BIRC6: variants seen among roughly 807,000 people sequenced by gnomAD.
BIRC6 encodes baculoviral IAP repeat containing 6, also known as dual E2 ubiquitin-conjugating enzyme/E3 ubiquitin-protein ligase BIRC6.
In BIRC6, 98 loss-of-function variants were observed where a neutral mutation model predicts 503.3. That is an observed-to-expected ratio of 0.19 (90% CI 0.17 to 0.23). BIRC6 has a LOEUF of 0.23. Ranked by LOEUF, BIRC6 falls within the 10% of genes least tolerant of loss-of-function variation. The pLI, the probability that BIRC6 is intolerant of heterozygous loss-of-function variation, is 1.00. For synonymous variants in BIRC6, 2,240 were observed against 2,078.7 expected (o/e 1.08, Z -2.11); for missense variants, 5,360 against 5,806.0 (o/e 0.92, Z 2.50).
intron 10 of BIRC6, among the ~76,000 whole-genome samples, chr2:32,420,465 T>C (rs1450889683): frequency 1.3e-5 from 2 of 152,182 alleles, no homozygotes; most frequent in South Asian, 2.1e-4. Context: ...TTTTAAGTTA[T>C]GAAGTTTTAG....
chr2:32,533,676 T>C (rs75750939), intron 61 of BIRC6, among the ~76,000 whole-genome samples: 1 of 152,020 alleles, frequency 6.6e-6, no homozygotes, highest in African/African-American at 2.4e-5. Context: ...TCCTCAGCCG[T>C]CTAAGCATAA....
chr2:32,484,532 T>G (rs373711346), intron 39 of BIRC6, among the ~76,000 whole-genome samples: 4 of 127,548 alleles, frequency 3.1e-5, no homozygotes, highest in African/African-American at 1.2e-4. Context: ...GCCTGGACGA[T>G]AGAGCAAAAC....
chr2:32,512,357 A>G (rs188184382), intron 53 of BIRC6, among the ~76,000 whole-genome samples: 22 of 152,324 alleles, frequency 1.4e-4, no homozygotes, highest in East Asian at 3.9e-4. Flanking sequence ...TTGTGGTTCA[A>G]AATTGGGTGT....
rs769966160 is a variant in BIRC6 at position 32,465,070 on chromosome 2, A to G, written c.5262A>G (p.Pro1754=). The G allele has an allele frequency of 1.4e-5, 22 of 1,581,960 alleles. No homozygotes were observed. The highest frequency in any genetic ancestry group is 1.9e-5 in the Non-Finnish European group (22 of 1,161,116). The change falls in exon 26 of 74, where the codon CCA becomes CCG. Residue 1754 remains proline, a synonymous_variant. Transcript: ENST00000421745. ...NKNSNKSRMN[P]LGSGLALAIS... ...TTTTTTTTTCCCTGCTCTAGAATCC[A>G]CTTGGTTCTGGTCTAGCCCTTGCAA...
At chr2:32,505,504 A>G in intron 50 of BIRC6, 1 of 295,230 alleles carries the variant, frequency 3.4e-6, no homozygotes, top group Non-Finnish European at 6.5e-6. Context: ...AAATGAGTTC[A>G]CTACACACCC....
chr2:32,520,777 A>T (rs2055572635), intron 57 of BIRC6, among the ~76,000 whole-genome samples: 1 of 152,226 alleles, frequency 6.6e-6, no homozygotes, highest in Non-Finnish European at 1.5e-5. Flanking sequence ...AGATTGCGCC[A>T]CTGCACTCCA....
intron 66 of BIRC6, among the ~76,000 whole-genome samples, chr2:32,587,366 A>G (rs1259974317): frequency 6.6e-5 from 10 of 150,942 alleles, no homozygotes; most frequent in African/African-American, 2.4e-4. Flanking sequence ...CAACCTGGGC[A>G]ACAGAACGAG....
chr2:32,437,683 C>G (rs2044878594), intron 15 of BIRC6, among the ~76,000 whole-genome samples: 1 of 152,140 alleles, frequency 6.6e-6, no homozygotes, highest in African/African-American at 2.4e-5. Flanking sequence ...ATGAAATGTT[C>G]CAATGAGCAT....
At chr2:32,525,309 A>G (rs1247435830) in intron 58 of BIRC6, among the ~76,000 whole-genome samples, 155 bp from the exon 59 acceptor site, 1 of 152,212 alleles carries the variant, frequency 6.6e-6, no homozygotes, top group Non-Finnish European at 1.5e-5. Context: ...TGAAGGACGA[A>G]TAGAATTGGG....
intron 19 of BIRC6, 53 bp downstream of exon 19, chr2:32,442,508 G>A: frequency 6.6e-7 from 1 of 1,509,844 alleles, no homozygotes; most frequent in Non-Finnish European, 8.9e-7. Flanking sequence ...CTGCAATTTA[G>A]TGGGTGATAC....
intron 61 of BIRC6, among the ~76,000 whole-genome samples, chr2:32,534,180 C>A (rs1572863595): frequency 1.3e-5 from 2 of 151,704 alleles, no homozygotes; most frequent in East Asian, 3.9e-4. Flanking sequence ...TCGAGATCAG[C>A]CTGGCCAACA....
At position 32,469,522 on chromosome 2, in the gene BIRC6, G is replaced by T. The variant is rs752892066; in HGVS notation, c.6255G>T (p.Leu2085=). The T allele has an allele frequency of 3.3e-5, 54 of 1,613,746 alleles. 1 individual carries two copies. The highest frequency in any genetic ancestry group is 1.7e-5 in the Admixed American group (1 of 59,986). ...RLHTGLLLVQ[L]CGGERWWGQF... is the part of the protein sequence containing the mutation. ...ATACTGGTCTTCTTCTTGTTCAACT[G>T]TGTGGTGGTGAAAGGTGGTGGGGTC... is the stretch of plus-strand genomic sequence containing the variant. Residue 2085 remains leucine (L), a synonymous_variant, in exon 30 of 74, where the codon CTG becomes CTT. Coordinates refer to ENST00000421745, the MANE Select transcript of BIRC6 (RefSeq NM_016252.4).
At chr2:32,492,295 A>G (rs2051832503) in intron 44 of BIRC6, among the ~76,000 whole-genome samples, 1 of 152,114 alleles carries the variant, frequency 6.6e-6, no homozygotes, top group South Asian at 2.1e-4. Context: ...TAGGTACTAG[A>G]CATACAGTAT....
intron 73 of BIRC6, among the ~76,000 whole-genome samples, chr2:32,614,449 C>T (rs774201474): frequency 2.6e-4 from 40 of 152,362 alleles, no homozygotes; most frequent in Non-Finnish European, 5.3e-4. Context: ...TTCTGTGTCA[C>T]TGTCACCTGG....
chr2:32,487,629 C>T lies in BIRC6; in HGVS notation c.7814-18C>T. On this transcript the variant is annotated intron_variant, in intron 40 of 73. Coordinates refer to ENST00000421745, the MANE Select transcript of BIRC6 (RefSeq NM_016252.4). ...CTGATACTTTATGTATAAAATTATA[C>T]TTGTGTTTAATTTTCAGTATCACAG... is the stretch of plus-strand genomic sequence containing the variant. 6.2e-7 allele frequency: 1 copy of T among 1,607,596 alleles called. No homozygotes were observed. The highest frequency in any genetic ancestry group is 1.7e-5 in the Admixed American group (1 of 59,834).
At chr2:32,492,249 T>C (rs767027014) in intron 44 of BIRC6, among the ~76,000 whole-genome samples, 18 of 152,114 alleles carry the variant, frequency 1.2e-4, no homozygotes, top group Non-Finnish European at 1.3e-4. Context: ...ATTAATTCAC[T>C]TATTCAGTGT....
chr2:32,382,770 C>G (rs1217535382), intron 3 of BIRC6, among the ~76,000 whole-genome samples: 1 of 152,234 alleles, frequency 6.6e-6, no homozygotes, highest in Non-Finnish European at 1.5e-5. Flanking sequence ...GTTGCCCAGG[C>G]TGGAGTGCAG....
chr2:32,489,831 G>C (rs2051474115), intron 42 of BIRC6, among the ~76,000 whole-genome samples: 1 of 152,146 alleles, frequency 6.6e-6, no homozygotes, highest in African/African-American at 2.4e-5. Flanking sequence ...GTTGTGGGCT[G>C]AGCTTTAAAC....
chr2:32,425,265 A>T (rs2043357668), intron 10 of BIRC6, among the ~76,000 whole-genome samples: 1 of 151,992 alleles, frequency 6.6e-6, no homozygotes, highest in African/African-American at 2.4e-5. Context: ...GAAAAAGTCC[A>T]GTTTATCTTT....
Sources: gnomAD v4.1 joint callset for allele counts (sites outside exome capture counted in the v4.1 genomes callset) on GRCh38, gnomAD v4.1.1 for gene constraint, MANE v1.5 for transcripts, NCBI Gene and HGNC (gene_info 2026-07-23, HGNC 2026-07-21) for gene names.